RPL34: variants seen among roughly 807,000 people sequenced by gnomAD.
The protein encoded by RPL34 is ribosomal protein L34.
Under a neutral mutation model 16.3 loss-of-function variants are expected in RPL34, and 2 were observed. The ratio of observed to expected loss-of-function variants is 0.12; its 90% CI spans 0.05 to 0.39. The LOEUF is 0.39. Ranked by LOEUF, RPL34 falls within the 10% of genes least tolerant of loss-of-function variation. The probability of loss-of-function intolerance (pLI) is 0.99; values close to 1 mark genes in which losing one functional copy is unlikely to be tolerated. For missense variants in RPL34, 82 were observed against 148.8 expected (o/e 0.55, Z 2.33); for synonymous variants, 47 against 48.5 (o/e 0.97, Z 0.13).
At chr4:108,627,535 G>GT (rs1383585569), downstream of RPL34, among the ~76,000 whole-genome samples, 2 of 152,084 alleles carry the variant, frequency 1.3e-5, no homozygotes, top group Non-Finnish European at 1.5e-5. Flanking sequence ...CACAGAACTA[G>GT]TAAGTGGCAA....
In RPL34 at chr4:108,622,482, C is replaced by T. The variant is rs200789602; in HGVS notation, c.166-33C>T. 632 of 1,513,134 alleles carry T rather than the reference C, an allele frequency of 4.2e-4. 6 individuals carry two copies. The highest frequency in any genetic ancestry group is 3.7e-3 in the South Asian group (324 of 88,380). The allele number at this position is 1,513,134 out of a possible 1,614,324, so 93.7% of individuals were successfully genotyped here. On this transcript the variant is annotated intron_variant, in intron 3 of 4. Coordinates refer to ENST00000394667, the MANE Select transcript of RPL34 (RefSeq NM_001319236.2). Reference sequence around the variant, plus strand: ...AAATTTAGGGAAATTTCTGTTAAAGCATCACAAAAATCTTAATATTTTTCT... The same window carrying T: ...AAATTTAGGGAAATTTCTGTTAAAGTATCACAAAAATCTTAATATTTTTCT...
chr4:108,629,884 A>G (rs1257245201), downstream of RPL34: 1 of 152,250 alleles, frequency 6.6e-6, no homozygotes, highest in African/African-American at 2.4e-5. Context: ...CTTTCACTGT[A>G]AACTATGCAT....
intron 4 of RPL34, among the ~76,000 whole-genome samples, chr4:108,624,020 A>C (rs756526272): frequency 7.2e-5 from 11 of 152,068 alleles, no homozygotes; most frequent in Non-Finnish European, 1.3e-4. Context: ...GGAAGTGTAC[A>C]TTGGAGATAA....
chr4:108,626,977 T>C (rs1391743374), downstream of RPL34, among the ~76,000 whole-genome samples: 2 of 152,154 alleles, frequency 1.3e-5, no homozygotes, highest in African/African-American at 4.8e-5. Context: ...CCGTGGTTCA[T>C]GCCTGTAATC....
intron 3 of RPL34, 79 bp from the exon 4 acceptor site, chr4:108,622,436 A>T: frequency 9.4e-7 from 1 of 1,068,264 alleles, no homozygotes; most frequent in Non-Finnish European, 1.4e-6. Context: ...CCTACTTTAA[A>T]CTTGCCCTTA....
Position 108,620,597 on chromosome 4 carries a change from G to T in RPL34, c.-13G>T. The T allele has an allele frequency of 3.2e-6, 1 of 317,066 alleles. No homozygotes were observed. The highest frequency in any genetic ancestry group is 6.4e-6 in the Non-Finnish European group (1 of 157,478). 19.6% of individuals were successfully genotyped at this position (317,066 alleles called of 1,614,324 possible). ...TCTTCCTCTTCCGGGGACGTTGTCT[G>T]CAGGTATGGATGTTGTTCTCTTTTC... On this transcript the variant is annotated 5_prime_UTR_variant, in exon 1 of 5. Coordinates refer to ENST00000394667, the MANE Select transcript of RPL34 (RefSeq NM_001319236.2).
chr4:108,624,480 TG>T lies in RPL34; in HGVS notation c.270-647del, dbSNP rs550206524. Among the ~76,000 whole-genome samples, 255 of 152,326 alleles carry T rather than the reference TG, an allele frequency of 1.7e-3. 1 individual carries two copies. The highest frequency in any genetic ancestry group is 7.3e-3 in the Admixed American group (112 of 15,296). On this transcript the variant is annotated intron_variant, in intron 4 of 4. Transcript: ENST00000394667. ...GGAAGACCTGCTTTTTGCTAGGTCC[TG>T]TGCAACACTGTAATGATAGTGATCC...
downstream of RPL34, among the ~76,000 whole-genome samples, chr4:108,627,516 AAG>A (rs1726054517): frequency 6.6e-6 from 1 of 152,212 alleles, no homozygotes; most frequent in African/African-American, 2.4e-5. Flanking sequence ...TGTTTTGCAG[AAG>A]AGGAGTCACA....
chr4:108,628,210 A>G (rs1416851673), downstream of RPL34, among the ~76,000 whole-genome samples: 1 of 152,208 alleles, frequency 6.6e-6, no homozygotes, highest in African/African-American at 2.4e-5. Flanking sequence ...GGATAATAGA[A>G]TTAATTATCT....
At chr4:108,626,803 CCAT>C (rs1161388963), downstream of RPL34, among the ~76,000 whole-genome samples, 18 of 152,078 alleles carry the variant, frequency 1.2e-4, no homozygotes, top group Admixed American at 5.9e-4. Flanking sequence ...AGACCTTGAG[CCAT>C]CATGGAATGC....
chr4:108,629,975 A>G (rs531791107), downstream of RPL34: 3 of 152,344 alleles, frequency 2.0e-5, no homozygotes, highest in South Asian at 6.2e-4. Context: ...ATTTTTCCCT[A>G]AAGTATATTA....
In RPL34 at chr4:108,625,214, A is replaced by G; in HGVS notation, c.*2A>G. On this transcript the variant is annotated 3_prime_UTR_variant, in exon 5 of 5. Transcript: ENST00000394667. ...GCACAGAGTCAGAAAGCTAAATAAA[A>G]AAATGAAACTTTTTTGAGTAATAAA... 1.3e-6 allele frequency: 2 copies of G among 1,592,256 alleles called. No individual in the cohort carries two copies. Among genetic ancestry groups the G allele is most frequent in the East Asian group, 4.5e-5 (2 of 44,778 alleles).
At chr4:108,628,796 T>TA (rs904911652), downstream of RPL34, among the ~76,000 whole-genome samples, 2 of 152,170 alleles carry the variant, frequency 1.3e-5, no homozygotes, top group East Asian at 1.9e-4. Context: ...AATAGAATGA[T>TA]AAAAAATCTC....
chr4:108,622,689 C>T (rs2110363774), intron 4 of RPL34, 71 bp downstream of exon 4: 2 of 933,156 alleles, frequency 2.1e-6, no homozygotes, highest in Non-Finnish European at 3.3e-6. Flanking sequence ...CTGATCAGTA[C>T]AATGGTGAAG....
downstream of RPL34, among the ~76,000 whole-genome samples, chr4:108,627,470 G>C (rs1214047540): frequency 6.6e-6 from 1 of 152,180 alleles, no homozygotes; most frequent in Non-Finnish European, 1.5e-5. Context: ...CCCACTGCCA[G>C]TTAACTTGTT....
intron 4 of RPL34, chr4:108,623,247 G>A (rs1342129976): frequency 6.6e-6 from 1 of 152,148 alleles, no homozygotes; most frequent in African/African-American, 2.4e-5. Flanking sequence ...CAGGAGAATT[G>A]CTGGAAGCTG....
downstream of RPL34, chr4:108,630,130 G>C (rs1726127367): frequency 6.6e-6 from 1 of 152,108 alleles, no homozygotes; most frequent in African/African-American, 2.4e-5. Flanking sequence ...TTGGCATCTT[G>C]AGATTGTTAT....
At chr4:108,629,687 C>T (rs1033861355), downstream of RPL34, among the ~76,000 whole-genome samples, 2 of 152,178 alleles carry the variant, frequency 1.3e-5, no homozygotes, top group African/African-American at 2.4e-5. Context: ...TTTCTCCTTC[C>T]GTTGAATTGC....
chr4:108,627,388 T>C (rs1726049098), downstream of RPL34, among the ~76,000 whole-genome samples: 2 of 151,700 alleles, frequency 1.3e-5, no homozygotes, highest in Non-Finnish European at 2.9e-5. Context: ...GCCTAAAAAA[T>C]AATTAAAAAA....
Sources: gnomAD v4.1 joint callset for allele counts (sites outside exome capture counted in the v4.1 genomes callset) on GRCh38, gnomAD v4.1.1 for gene constraint, MANE v1.5 for transcripts, NCBI Gene and HGNC (gene_info 2026-07-23, HGNC 2026-07-21) for gene names.